BASP1: variants seen among roughly 807,000 people sequenced by gnomAD.
The protein encoded by BASP1 is brain abundant membrane attached signal protein 1, also known as brain acid soluble protein 1.
BASP1 carries 1 observed loss-of-function variant against 2.2 expected under a neutral mutation model. The ratio of observed to expected loss-of-function variants is 0.46; its 90% CI spans 0.16 to 2.17. The LOEUF is 2.17. Ranked by LOEUF, BASP1 falls within the 30% of genes most tolerant of loss-of-function variation. The probability of loss-of-function intolerance (pLI) is 0.27; values close to 1 mark genes in which losing one functional copy is unlikely to be tolerated. For synonymous variants in BASP1, 187 were observed against 154.2 expected, an observed-to-expected ratio of 1.21 and a Z score of -1.58; for missense variants, 352 against 327.2, an observed-to-expected ratio of 1.08 and a Z score of -0.58.
In BASP1 at chr5:17,275,264, C is replaced by T. The variant is rs1189799542; in HGVS notation, c.48C>T (p.Asp16=). Residue 16 remains aspartate (D), a synonymous_variant, in exon 2 of 2, where the codon GAC becomes GAT. Transcript: ENST00000322611. The surrounding 1 kb of genome is among the most constrained non-coding windows in gnomAD (Gnocchi z 5.3). ...SKKKKGYNVN[D]EKAKEKDKKA... ...AGAAGAAGGGCTACAATGTGAACGA[C>T]GAGAAAGCCAAGGAGAAAGACAAGA... 3.1e-6 allele frequency: 5 copies of T among 1,613,630 alleles called. No individual in the cohort carries two copies. The African/African-American group carries it at 5.3e-5, about 17-fold the overall frequency.
intron 1 of BASP1, among the ~76,000 whole-genome samples, chr5:17,232,378 C>G (rs942548822): frequency 6.6e-6 from 1 of 152,176 alleles, no homozygotes; most frequent in Non-Finnish European, 1.5e-5. Context: ...AACATCAGGT[C>G]CCTAGAAAAG....
chr5:17,239,147 G>A (rs187354668), intron 1 of BASP1, among the ~76,000 whole-genome samples: 61 of 152,030 alleles, frequency 4.0e-4, no homozygotes, highest in African/African-American at 1.4e-3. Context: ...AGGCTGGAGT[G>A]CAGTGGCATG....
intron 1 of BASP1, among the ~76,000 whole-genome samples, chr5:17,220,380 T>C (rs1037505204): frequency 2.0e-5 from 3 of 152,190 alleles, no homozygotes; most frequent in African/African-American, 4.8e-5. Flanking sequence ...AGGGGTATGT[T>C]GGAATATAGA....
chr5:17,223,621 C>T (rs1261209818), intron 1 of BASP1, among the ~76,000 whole-genome samples: 1 of 152,144 alleles, frequency 6.6e-6, no homozygotes, highest in Non-Finnish European at 1.5e-5. Context: ...AGCCTCCATA[C>T]TGAATTTGTA....
Position 17,276,119 on chromosome 5 carries a change from G to T in BASP1, c.*219G>T, listed in dbSNP as rs2126525088. On this transcript the variant is annotated 3_prime_UTR_variant, in exon 2 of 2. Coordinates refer to ENST00000322611, the MANE Select transcript of BASP1 (RefSeq NM_006317.5). ...TCCCATCAAGGGAGGGAGGGGGTGG[G>T]AGAATCCAAATAGTATTTTTGTGGG... 2.5e-5 allele frequency: 7 copies of T among 285,488 alleles called. No individual in the cohort carries two copies. The highest frequency in any genetic ancestry group is 4.1e-5 in the Non-Finnish European group (6 of 147,472). 17.7% of individuals were successfully genotyped at this position (285,488 alleles called of 1,614,324 possible).
intron 1 of BASP1, among the ~76,000 whole-genome samples, chr5:17,239,946 G>A (rs1463970299): frequency 1.3e-5 from 2 of 151,958 alleles, no homozygotes; most frequent in African/African-American, 2.4e-5. Flanking sequence ...TAATTTTAAA[G>A]TGACCCTATG....
At chr5:17,249,937 A>G (rs568872705) in intron 1 of BASP1, among the ~76,000 whole-genome samples, 1 of 151,822 alleles carries the variant, frequency 6.6e-6, no homozygotes, top group Non-Finnish European at 1.5e-5. Flanking sequence ...CATTGATTTT[A>G]ATTTTTTTTT....
Position 17,275,691 on chromosome 5 carries a change from G to T in BASP1, c.475G>T (p.Ala159Ser), listed in dbSNP as rs769886249. Residue 159 changes from alanine to serine, a missense_variant, in exon 2 of 2, where the codon GCC becomes TCC. Ala to Ser is a moderately conservative substitution (Grantham distance 99). Transcript: ENST00000322611. This position sits in a 1 kb window ranked among gnomAD's most constrained non-coding sequence, Gnocchi z 5.3. ...GACTGAGGCGCCCGCAGCTCCTGCC[G>T]CCCAGGAGACCAAAAGTGACGGGGC... The part of the protein sequence containing the change: ...KKTEAPAAPA[A>S]QETKSDGAPA... 3.1e-6 allele frequency: 5 copies of T among 1,592,780 alleles called. No homozygotes were observed. The highest frequency in any genetic ancestry group is 2.7e-5 in the African/African-American group (2 of 74,250).
chr5:17,260,481 A>C lies in BASP1; in HGVS notation c.-9-14727A>C, dbSNP rs997566634. 6.6e-6 allele frequency among the ~76,000 whole-genome samples: 1 copy of C among 152,198 alleles called. No individual in the cohort carries two copies. The highest frequency in any genetic ancestry group is 6.5e-5 in the Admixed American group (1 of 15,284). Reference sequence around the variant, plus strand: ...TAGTGATTTCTGCATTCTGGTCTTTAATTATGTGCTGAGTCCCGGTGGCAG... The same window carrying C: ...TAGTGATTTCTGCATTCTGGTCTTTCATTATGTGCTGAGTCCCGGTGGCAG... On this transcript the variant is annotated intron_variant, in intron 1 of 1. Transcript: ENST00000322611. The surrounding 1 kb of genome is among the most constrained non-coding windows in gnomAD (Gnocchi z 4.2).
chr5:17,243,395 T>C (rs1365526827), intron 1 of BASP1, among the ~76,000 whole-genome samples: 2 of 152,094 alleles, frequency 1.3e-5, no homozygotes, highest in Non-Finnish European at 2.9e-5. Context: ...CTCAGATGAT[T>C]TGCCTGCCTT....
At chr5:17,264,135 T>C (rs1446900678) in intron 1 of BASP1, among the ~76,000 whole-genome samples, 1 of 152,248 alleles carries the variant, frequency 6.6e-6, no homozygotes, top group Non-Finnish European at 1.5e-5. Flanking sequence ...ATAAAAATTT[T>C]GACCTTTAAA....
At chr5:17,229,024 A>T (rs141905265) in intron 1 of BASP1, among the ~76,000 whole-genome samples, 1 of 152,170 alleles carries the variant, frequency 6.6e-6, no homozygotes, top group Non-Finnish European at 1.5e-5. Context: ...TTAAAAAAAA[A>T]ACAAAACTCT....
chr5:17,230,524 A>G (rs181240424), intron 1 of BASP1, among the ~76,000 whole-genome samples: 9 of 152,212 alleles, frequency 5.9e-5, no homozygotes, highest in Admixed American at 5.9e-4. Flanking sequence ...GGTGTGGGTA[A>G]GTCTACACTT....
rs1215341015 is a variant in BASP1, at chr5:17,275,987, C to CCT, written c.*99_*100dup. The stretch of plus-strand genomic sequence containing the variant: ...TCTCTCTCTATCTCTCTCTCTATCT[C>CCT]CTCTCTCTCTCTCCTCTCCTATCTC... On this transcript the variant is annotated 3_prime_UTR_variant, in exon 2 of 2. Coordinates refer to ENST00000322611, the MANE Select transcript of BASP1 (RefSeq NM_006317.5). The surrounding 1 kb of genome is among the most constrained non-coding windows in gnomAD (Gnocchi z 5.3). 8.3e-5 allele frequency: 96 copies of CCT among 1,154,330 alleles called. No individual in the cohort carries two copies. The Middle Eastern group carries it at 1.3e-3, about 15-fold the overall frequency. 71.5% of individuals were successfully genotyped at this position (1,154,330 alleles called of 1,614,324 possible). A position where few individuals can be genotyped will look rare whatever the true frequency, so the allele number is the denominator to read the frequency against.
In BASP1 at chr5:17,236,168, C is replaced by T. The variant is rs536316203; in HGVS notation, c.-10+18358C>T. Among the ~76,000 whole-genome samples, 2 of 152,284 alleles carry T rather than the reference C, an allele frequency of 1.3e-5. No homozygotes were observed. The highest frequency in any genetic ancestry group is 4.1e-4 in the South Asian group (2 of 4,826). ...GCGTTTAGTCTTTAAGACTATTCTA[C>T]CTTGGGGGAGAAAAGCAAAAATGAT... On this transcript the variant is annotated intron_variant, in intron 1 of 1. Coordinates refer to ENST00000322611, the MANE Select transcript of BASP1 (RefSeq NM_006317.5). This position sits in a 1 kb window ranked among gnomAD's most constrained non-coding sequence, Gnocchi z 4.0.
chr5:17,230,033 T>G (rs1739599238), intron 1 of BASP1, among the ~76,000 whole-genome samples: 1 of 152,094 alleles, frequency 6.6e-6, no homozygotes, highest in Non-Finnish European at 1.5e-5. Context: ...ATTACAGGCA[T>G]GAGCTACCGC....
At chr5:17,232,174 T>C (rs559572323) in intron 1 of BASP1, among the ~76,000 whole-genome samples, 125 of 152,308 alleles carry the variant, frequency 8.2e-4, no homozygotes, top group Non-Finnish European at 1.3e-3. Context: ...TGTGTATTAT[T>C]TGAGGGAGAC....
At position 17,276,736 on chromosome 5, in the gene BASP1, A is replaced by C; in HGVS notation, c.*836A>C. 1 of 85,136 alleles carries C rather than the reference A, an allele frequency of 1.2e-5. No homozygotes were observed. The highest frequency in any genetic ancestry group is 3.8e-5 in the African/African-American group (1 of 26,472). 5.3% of individuals were successfully genotyped at this position (85,136 alleles called of 1,614,324 possible). On this transcript the variant is annotated 3_prime_UTR_variant, in exon 2 of 2. Transcript: ENST00000322611. ...CCACTCATTGGAAAATGGAAAAAAA[A>C]AACAAAAAAAAAACAAAAAAATGTA...
intron 1 of BASP1, among the ~76,000 whole-genome samples, chr5:17,274,951 C>T (rs1257804269): frequency 6.6e-6 from 1 of 152,086 alleles, no homozygotes; most frequent in East Asian, 1.9e-4. Context: ...ATCCCCTGAG[C>T]CCAGGAGGTG....
Sources: gnomAD v4.1 joint callset for allele counts (sites outside exome capture counted in the v4.1 genomes callset) on GRCh38, gnomAD v4.1.1 for gene constraint, Gnocchi (gnomAD v3.1) non-coding constraint, MANE v1.5 for transcripts, NCBI Gene and HGNC (gene_info 2026-07-23, HGNC 2026-07-21) for gene names.